CELF2: variants seen among roughly 807,000 people sequenced by gnomAD.
The protein encoded by CELF2 is CUG triplet repeat RNA-binding protein 2.
In CELF2, 8 loss-of-function variants were observed where a neutral mutation model predicts 62.6. The ratio of observed to expected loss-of-function variants is 0.13; its 90% confidence interval spans 0.07 to 0.23. The LOEUF (loss-of-function observed/expected upper bound fraction) is 0.23. CELF2 is among the 10% of genes least tolerant of loss of function. The probability of loss-of-function intolerance (pLI) is 1.00; values close to 1 mark genes in which losing one functional copy is unlikely to be tolerated. For synonymous variants in CELF2, 258 were observed against 250.0 expected, an observed-to-expected ratio of 1.03 and a Z score of -0.30; for missense variants, 333 against 671.0, an observed-to-expected ratio of 0.50 and a Z score of 5.56.
At chr10:10,486,756 A>C in the CELF2 span, among the ~76,000 whole-genome samples, 399 of 152,302 alleles carry the variant, frequency 2.6e-3, no homozygotes, top group Non-Finnish European at 4.2e-3. Context: ...GATTTTGAAA[A>C]GTAATCTAGA....
At chr10:10,475,731 T>C in the CELF2 span, among the ~76,000 whole-genome samples, 1 of 152,112 alleles carries the variant, frequency 6.6e-6, no homozygotes, top group Non-Finnish European at 1.5e-5. Flanking sequence ...TGTTAACACT[T>C]TGCTCAGGCC....
At chr10:11,077,798 A>G (rs770861340) in intron 1 of CELF2, among the ~76,000 whole-genome samples, 1 of 152,188 alleles carries the variant, frequency 6.6e-6, no homozygotes, top group Admixed American at 6.5e-5. Context: ...CATAAAATTA[A>G]TATCACTTTT....
At chr10:10,497,427 A>C in the CELF2 span, among the ~76,000 whole-genome samples, 1 of 152,214 alleles carries the variant, frequency 6.6e-6, no homozygotes, top group Admixed American at 6.5e-5. Flanking sequence ...GCAATGGAAC[A>C]ACAAAAAAGA....
chr10:10,502,186 T>A, the CELF2 span, among the ~76,000 whole-genome samples: 1 of 151,000 alleles, frequency 6.6e-6, no homozygotes, highest in Non-Finnish European at 1.5e-5. Context: ...GATTTTCGTG[T>A]CTGTTTTCCT....
At chr10:10,469,286 G>C in the CELF2 span, among the ~76,000 whole-genome samples, 1 of 151,868 alleles carries the variant, frequency 6.6e-6, no homozygotes, top group African/African-American at 2.4e-5. Context: ...CTTTCCAACT[G>C]TATGTCTTTT....
At chr10:11,040,949 T>C (rs1028564267) in intron 1 of CELF2, among the ~76,000 whole-genome samples, 3 of 152,228 alleles carry the variant, frequency 2.0e-5, no homozygotes, top group Non-Finnish European at 4.4e-5. Flanking sequence ...AATATCTTAC[T>C]TTGGTTGGGC....
chr10:10,701,172 G>T, the CELF2 span, among the ~76,000 whole-genome samples: 3 of 152,360 alleles, frequency 2.0e-5, no homozygotes, highest in East Asian at 5.8e-4. Flanking sequence ...GCAGGAGGCT[G>T]CAGGGAGCTG....
intron 2 of CELF2, among the ~76,000 whole-genome samples, chr10:10,964,544 T>C (rs764668441): frequency 1.3e-5 from 2 of 152,236 alleles, no homozygotes; most frequent in Non-Finnish European, 1.5e-5. Context: ...AGTGAGGCCA[T>C]CCACCTTTCA....
chr10:11,283,448 G>C (rs1275037614), intron 8 of CELF2, among the ~76,000 whole-genome samples: 2 of 152,206 alleles, frequency 1.3e-5, no homozygotes, highest in African/African-American at 4.8e-5. Context: ...ATGGTTGGAT[G>C]GATGGATGAT....
At chr10:10,462,615 C>CTTTTTTTTTTTTTTTTTTTTTTTTTT in the CELF2 span, among the ~76,000 whole-genome samples, 8 of 69,420 alleles carry the variant, frequency 1.2e-4, no homozygotes, top group East Asian at 5.2e-4. Context: ...TTTTTTTCAT[C>CTTTTTTTTTTTTTTTTTTTTTTTTTT]TTTTTTTTTT....
At chr10:10,978,987 A>G (rs1230800774) in intron 2 of CELF2, among the ~76,000 whole-genome samples, 1 of 152,160 alleles carries the variant, frequency 6.6e-6, no homozygotes, top group Non-Finnish European at 1.5e-5. Flanking sequence ...AGGATTTCAG[A>G]CTTCTTATTT....
At chr10:10,473,573 T>C in the CELF2 span, among the ~76,000 whole-genome samples, 1 of 152,188 alleles carries the variant, frequency 6.6e-6, no homozygotes, top group East Asian at 1.9e-4. Flanking sequence ...TTTAAGAATG[T>C]AAAATTAAAT....
At chr10:11,044,145 A>G (rs2062380309) in intron 1 of CELF2, among the ~76,000 whole-genome samples, 1 of 152,200 alleles carries the variant, frequency 6.6e-6, no homozygotes, top group South Asian at 2.1e-4. Context: ...ACAGTGTCCC[A>G]TCACTTTCTA....
chr10:11,280,075 T>G lies in CELF2; in HGVS notation c.841+4955T>G, dbSNP rs1429755030. ...CTCTCGGTCTGGTGCCCTTTCAGGA[T>G]GAGCGTGTGGGATAAAGTGTGACTT... On this transcript the variant is annotated intron_variant, in intron 8 of 12. Coordinates refer to ENST00000633077, the MANE Select transcript of CELF2 (RefSeq NM_001326342.2). The surrounding 1 kb of genome is among the most constrained non-coding windows in gnomAD (Gnocchi z 7.6). 6.6e-6 allele frequency among the ~76,000 whole-genome samples: 1 copy of G among 152,122 alleles called. No homozygotes were observed. The highest frequency in any genetic ancestry group is 1.5e-5 in the Non-Finnish European group (1 of 68,022).
In CELF2 at chr10:10,875,385, C is replaced by T. The variant is rs547605027; in HGVS notation, c.54-44579C>T. ...TTTTATGGATTTTTACGTGTAATCA[C>T]ATTTTCAGAGGGGATTTTTATATAG... On this transcript the variant is annotated intron_variant, in intron 1 of 13. Coordinates refer to the CELF2 transcript ENST00000636488. 2.0e-5 allele frequency among the ~76,000 whole-genome samples: 3 copies of T among 152,286 alleles called. No individual in the cohort carries two copies. In the South Asian group the frequency reaches 6.2e-4, roughly 32 times the overall value.
the CELF2 span, among the ~76,000 whole-genome samples, chr10:10,485,279 C>G: frequency 2.6e-5 from 4 of 152,166 alleles, no homozygotes; most frequent in African/African-American, 2.4e-5. Flanking sequence ...AAGGCGTGAT[C>G]GTCCAGAGGT....
In CELF2 at chr10:11,165,823, C is replaced by A; in HGVS notation, c.271+141C>A. On this transcript the variant is annotated intron_variant, in intron 2 of 12. Coordinates refer to ENST00000633077, the MANE Select transcript of CELF2 (RefSeq NM_001326342.2). The surrounding 1 kb of genome is among the most constrained non-coding windows in gnomAD (Gnocchi z 7.4). ...AGCCGGTGCTGGCGGCCCCTGTGCT[C>A]CAGGGGCTGCTCCCGACTCCTCCCC... 1 of 774,890 alleles carries A rather than the reference C, an allele frequency of 1.3e-6. No homozygotes were observed. Among genetic ancestry groups the A allele is most frequent in the Non-Finnish European group, 2.0e-6 (1 of 501,008 alleles). 48.0% of individuals were successfully genotyped at this position (774,890 alleles called of 1,614,324 possible). A position where few individuals can be genotyped will look rare whatever the true frequency, so the allele number is the denominator to read the frequency against.
chr10:11,312,325 T>A (rs1161701781), intron 9 of CELF2, among the ~76,000 whole-genome samples: 1 of 152,144 alleles, frequency 6.6e-6, no homozygotes, highest in Admixed American at 6.5e-5. Flanking sequence ...GAAGAATGAA[T>A]AATAAGCAAA....
intron 1 of CELF2, among the ~76,000 whole-genome samples, chr10:11,094,130 C>A (rs1206866364): frequency 3.3e-5 from 5 of 152,146 alleles, no homozygotes; most frequent in African/African-American, 1.2e-4. Flanking sequence ...GCTGTATTTG[C>A]CCTGGTGTTT....
Sources: gnomAD v4.1 joint callset for allele counts (sites outside exome capture counted in the v4.1 genomes callset) on GRCh38, gnomAD v4.1.1 for gene constraint, Gnocchi (gnomAD v3.1) non-coding constraint, MANE v1.5 for transcripts, NCBI Gene and HGNC (gene_info 2026-07-23, HGNC 2026-07-21) for gene names.